The following EIF1B variants were observed in gnomAD, a reference collection of about 807,000 sequenced individuals.
EIF1B encodes protein translation factor SUI1 homolog GC20.
In EIF1B, 5 loss-of-function variants were observed where a neutral mutation model predicts 14.8. The ratio of observed to expected loss-of-function variants is 0.34; its 90% CI spans 0.18 to 0.71. EIF1B has a LOEUF of 0.71. Ranked by LOEUF, EIF1B falls within the 30% of genes least tolerant of loss-of-function variation. EIF1B has a pLI of 0.64. For missense variants in EIF1B, 56 were observed against 134.0 expected, an observed-to-expected ratio of 0.42 and a Z score of 2.87; for synonymous variants, 45 against 45.8, an observed-to-expected ratio of 0.98 and a Z score of 0.07.
intron 1 of EIF1B, 173 bp from the exon 2 acceptor site, chr3:40,310,720 G>A (rs1954315229): frequency 3.5e-6 from 2 of 565,762 alleles, no homozygotes; most frequent in Non-Finnish European, 6.0e-6. Context: ...GAGTATCTTG[G>A]GGGTTTTATT....
In EIF1B at chr3:40,311,307, C is replaced by T. The variant is rs905994745; in HGVS notation, c.196-163C>T. Reference sequence around the variant, plus strand: ...CTTGATGTTACACATAAAATCATTTCCTGGTTTACAAATTAATTTGGAAGG... The same window carrying T: ...CTTGATGTTACACATAAAATCATTTTCTGGTTTACAAATTAATTTGGAAGG... On this transcript the variant is annotated intron_variant, in intron 2 of 3. Transcript: ENST00000232905. The T allele has an allele frequency of 1.3e-5, 8 of 600,444 alleles. No individual in the cohort carries two copies. The African/African-American group carries it at 1.5e-4, about 11-fold the overall frequency. The allele number at this position is 600,444 out of a possible 1,614,324, so 37.2% of individuals were successfully genotyped here. A position where few individuals can be genotyped will look rare whatever the true frequency, so the allele number is the denominator to read the frequency against.
At position 40,312,184 on chromosome 3, in the gene EIF1B, AAC is replaced by A; in HGVS notation, c.*174_*175del. 2 of 578,784 alleles carry A rather than the reference AAC, an allele frequency of 3.5e-6. No individual in the cohort carries two copies. The highest frequency in any genetic ancestry group is 6.1e-6 in the Non-Finnish European group (2 of 327,806). The allele number at this position is 578,784 out of a possible 1,614,324, so 35.9% of individuals were successfully genotyped here. A position where few individuals can be genotyped will look rare whatever the true frequency, so the allele number is the denominator to read the frequency against. On this transcript the variant is annotated 3_prime_UTR_variant, in exon 4 of 4. Transcript: ENST00000232905. Reference sequence around the variant, plus strand: ...GAAAACATGGGGTATGTAGACTAGTAACACATAAGAAAATTGCAGTAAGATGG... The same window carrying A: ...GAAAACATGGGGTATGTAGACTAGTAACATAAGAAAATTGCAGTAAGATGG...
At position 40,310,987 on chromosome 3, in the gene EIF1B, G is replaced by A; in HGVS notation, c.126G>A (p.Lys42=). Residue 42 remains lysine (K), a synonymous_variant, in exon 2 of 4, where the codon AAG becomes AAA. Transcript: ENST00000232905. ...GAATCCAGCAACGGAACGGCAGAAAGACACTGACTACTGTTCAGGGCATTG... is the reference window on the plus strand; with the variant it reads ...GAATCCAGCAACGGAACGGCAGAAAAACACTGACTACTGTTCAGGGCATTG... ...HIRIQQRNGR[K]TLTTVQGIAD... 1 of 1,613,936 alleles carries A rather than the reference G, an allele frequency of 6.2e-7. No homozygotes were observed.
chr3:40,311,937 A>T, intron 3 of EIF1B, 33 bp from the exon 4 acceptor site: 1 of 1,298,516 alleles, frequency 7.7e-7, no homozygotes, highest in Non-Finnish European at 1.0e-6. Flanking sequence ...TATTTCTCAG[A>T]GTTATTTTGC....
intron 1 of EIF1B, 199 bp from the exon 2 acceptor site, chr3:40,310,694 G>A: frequency 2.0e-6 from 1 of 490,198 alleles, no homozygotes; most frequent in Non-Finnish European, 3.6e-6. Context: ...CTGTTCAAAT[G>A]TTTCTCTTTT....
chr3:40,312,262 GT>G lies in EIF1B; in HGVS notation c.*249del, dbSNP rs1418246620. Reference sequence around the variant, plus strand: ...ATGTTTCCAATGGAAAATGTTTTGAGTGTTTATTGTTCAGTTTATTACGTTT... The same window carrying G: ...ATGTTTCCAATGGAAAATGTTTTGAGGTTTATTGTTCAGTTTATTACGTTT... On this transcript the variant is annotated 3_prime_UTR_variant, in exon 4 of 4. Coordinates refer to ENST00000232905, the MANE Select transcript of EIF1B (RefSeq NM_005875.3). The G allele has an allele frequency of 1.7e-4, 73 of 434,938 alleles. No homozygotes were observed. The highest frequency in any genetic ancestry group is 2.6e-4 in the Non-Finnish European group (65 of 246,780). The allele number at this position is 434,938 out of a possible 1,614,324, so 26.9% of individuals were successfully genotyped here. A position where few individuals can be genotyped will look rare whatever the true frequency, so the allele number is the denominator to read the frequency against.
At chr3:40,310,067 C>A in intron 1 of EIF1B, 95 bp downstream of exon 1, 1 of 1,511,100 alleles carries the variant, frequency 6.6e-7, no homozygotes, top group Non-Finnish European at 9.1e-7. Flanking sequence ...CCCTTTCTGC[C>A]CTTCCCGCAC....
chr3:40,310,180 C>A, intron 1 of EIF1B, among the ~76,000 whole-genome samples: 1 of 152,032 alleles, frequency 6.6e-6, no homozygotes, highest in East Asian at 2.0e-4. Flanking sequence ...TCTCGGAGCC[C>A]CGGCCGCGGG....
chr3:40,311,156 C>G (rs1454491), intron 2 of EIF1B, 100 bp downstream of exon 2: 397,003 of 1,119,772 alleles, frequency 0.35, 73,372 homozygotes, highest in East Asian at 0.61. Context: ...AATAACTAGA[C>G]CAAGAAAGTT....
intron 1 of EIF1B, 138 bp downstream of exon 1, chr3:40,310,110 A>T: frequency 8.1e-7 from 1 of 1,232,442 alleles, no homozygotes; most frequent in East Asian, 2.4e-5. Flanking sequence ...CGCCCAGAAA[A>T]TGGCGACGGG....
rs199629126 is a variant in EIF1B, at chr3:40,310,861, T to C, written c.32-32T>C. On this transcript the variant is annotated intron_variant, in intron 1 of 3. Coordinates refer to ENST00000232905, the MANE Select transcript of EIF1B (RefSeq NM_005875.3). ...CTTCTTAAAAAATATTTTTCTACTT[T>C]GGATTTTTTTTTTTTTTTTATCCAT... 9.0e-4 allele frequency: 1,371 copies of C among 1,522,670 alleles called. 8 individuals carry two copies. The highest frequency in any genetic ancestry group is 1.0e-3 in the African/African-American group (64 of 62,738). The allele number at this position is 1,522,670 out of a possible 1,614,324, so 94.3% of individuals were successfully genotyped here.
intron 3 of EIF1B, 158 bp downstream of exon 3, chr3:40,311,729 T>A (rs1294729914): frequency 7.3e-6 from 5 of 687,658 alleles, no homozygotes; most frequent in Admixed American, 2.9e-5. Context: ...AAGACCTTTA[T>A]CTGGTTTATT....
intron 1 of EIF1B, 38 bp downstream of exon 1, chr3:40,310,010 G>T (rs1238190014): frequency 3.1e-6 from 5 of 1,612,458 alleles, no homozygotes; most frequent in Non-Finnish European, 4.2e-6. Flanking sequence ...CCCTTGCCCG[G>T]CGCGCATCTC....
intron 1 of EIF1B, chr3:40,310,600 T>G (rs1954313481): frequency 3.9e-6 from 1 of 253,472 alleles, no homozygotes; most frequent in Non-Finnish European, 7.4e-6. Context: ...ATATTAAGGT[T>G]TTCTAAATCT....
chr3:40,310,653 C>T (rs1401107759), intron 1 of EIF1B: 2 of 356,570 alleles, frequency 5.6e-6, no homozygotes, highest in South Asian at 1.7e-4. Flanking sequence ...CATTATTTAT[C>T]TATAACAGCG....
intron 1 of EIF1B, chr3:40,310,487 G>A (rs1364561663): frequency 5.9e-6 from 1 of 169,106 alleles, no homozygotes; most frequent in African/African-American, 2.6e-5. Context: ...CTTTTTTTTT[G>A]GCAAGGCACA....
At chr3:40,311,875 TTGA>T in intron 3 of EIF1B, 92 bp from the exon 4 acceptor site, 1 of 979,144 alleles carries the variant, frequency 1.0e-6, no homozygotes, top group Non-Finnish European at 1.6e-6. Flanking sequence ...CAGTAAGCTG[TTGA>T]TAGTGATTCT....
chr3:40,310,330 G>T (rs534695667), intron 1 of EIF1B, among the ~76,000 whole-genome samples: 1 of 152,238 alleles, frequency 6.6e-6, no homozygotes, highest in African/African-American at 2.4e-5. Context: ...GGAAACCAGG[G>T]ATCGGCGCCC....
In EIF1B at chr3:40,311,445, G is replaced by A. The variant is rs201597819; in HGVS notation, c.196-25G>A. 1.1e-5 allele frequency: 17 copies of A among 1,551,930 alleles called. No homozygotes were observed. In the East Asian group the frequency reaches 3.4e-4, roughly 31 times the overall value. ...ACCTCATAGTAGTTGACTAAATTTTGTTGTATATTTATGCACTTTTCCAGA... is the reference window on the plus strand; with the variant it reads ...ACCTCATAGTAGTTGACTAAATTTTATTGTATATTTATGCACTTTTCCAGA... On this transcript the variant is annotated intron_variant, in intron 2 of 3. Transcript: ENST00000232905.
Sources: allele counts gnomAD v4.1 joint callset (sites outside exome capture counted in the v4.1 genomes callset), GRCh38; gene constraint gnomAD v4.1.1; transcripts MANE v1.5; gene names NCBI Gene and HGNC (gene_info 2026-07-23, HGNC 2026-07-21).